NCOA3: variants seen among roughly 807,000 people sequenced by gnomAD.
NCOA3 encodes nuclear receptor coactivator 3.
NCOA3 carries 51 observed loss-of-function variants against 158.8 expected under a neutral mutation model. The ratio of observed to expected loss-of-function variants is 0.32; its 90% confidence interval spans 0.26 to 0.41. NCOA3 has a LOEUF of 0.41. Among genes scored for constraint, NCOA3 ranks in the 10% least tolerant of loss-of-function variants. NCOA3 has a pLI of 1.00. For synonymous variants in NCOA3, 537 were observed against 592.4 expected, an observed-to-expected ratio of 0.91 and a Z score of 1.36; for missense variants, 1,510 against 1,746.6, an observed-to-expected ratio of 0.86 and a Z score of 2.41.
intron 1 of NCOA3, among the ~76,000 whole-genome samples, chr20:47,560,808 C>G (rs992585462): frequency 6.6e-6 from 1 of 151,952 alleles, no homozygotes; most frequent in Non-Finnish European, 1.5e-5. Flanking sequence ...ATTTTTCTCA[C>G]GATCTGGCTT....
At chr20:47,621,037 CTT>C (rs981532451) in intron 2 of NCOA3, among the ~76,000 whole-genome samples, 1 of 152,120 alleles carries the variant, frequency 6.6e-6, no homozygotes, top group African/African-American at 2.4e-5. Context: ...TATTTTAAGT[CTT>C]TTTCTGTCCT....
At chr20:47,542,074 A>G (rs552711646) in intron 1 of NCOA3, among the ~76,000 whole-genome samples, 1 of 127,350 alleles carries the variant, frequency 7.9e-6, no homozygotes, top group South Asian at 2.5e-4. Context: ...TCTGTCACCC[A>G]GGCTGGAGTG....
At chr20:47,526,920 G>A (rs1262817685) in intron 1 of NCOA3, among the ~76,000 whole-genome samples, 1 of 152,182 alleles carries the variant, frequency 6.6e-6, no homozygotes, top group Non-Finnish European at 1.5e-5. Flanking sequence ...TGGGATTACA[G>A]GCATGAACCA....
At chr20:47,505,446 A>G (rs924785503) in intron 1 of NCOA3, among the ~76,000 whole-genome samples, 2 of 152,092 alleles carry the variant, frequency 1.3e-5, no homozygotes, top group African/African-American at 4.8e-5. Context: ...CAAGTTTAGA[A>G]TGCATATTAG....
At position 47,636,286 on chromosome 20, in the gene NCOA3, CA is replaced by C. The variant is rs2086514563; in HGVS notation, c.1901del (p.His634LeufsTer4). 6.2e-7 allele frequency: 1 copy of C among 1,614,060 alleles called. No individual in the cohort carries two copies. Among genetic ancestry groups the C allele is most frequent in the Non-Finnish European group, 8.5e-7 (1 of 1,180,034 alleles). On this transcript the variant is annotated frameshift_variant, in exon 12 of 23. Coordinates refer to ENST00000371998, the MANE Select transcript of NCOA3 (RefSeq NM_181659.3). LOFTEE classifies it high-confidence loss of function. ...TACCTGTTCTTCTGATGACCGGGGT[CA>C]TTCCTCCTTGACCAACTCCCCCCTA... The part of the protein sequence containing the change: ...LLTCSSDDRG[H>X]SSLTNSPLDS...
In NCOA3 at chr20:47,648,747, G is replaced by GACTCGCAC. The variant is rs2086731710; in HGVS notation, c.3547-257_3547-256insCTCGCACA. Among the ~76,000 whole-genome samples the GACTCGCAC allele has an allele frequency of 3.9e-5, 6 of 152,326 alleles. No homozygotes were observed. The South Asian group carries it at 1.2e-3, about 32-fold the overall frequency. The stretch of plus-strand genomic sequence containing the variant: ...CTCAAAGTGCTGGGATTACAGGTGT[G>GACTCGCAC]AAGATATTCTTTAAGCTGCAAAATT... On this transcript the variant is annotated intron_variant, in intron 18 of 22. Coordinates refer to ENST00000371998, the MANE Select transcript of NCOA3 (RefSeq NM_181659.3).
chr20:47,611,441 G>A (rs1021877125), intron 2 of NCOA3, among the ~76,000 whole-genome samples: 3 of 152,182 alleles, frequency 2.0e-5, no homozygotes, highest in Non-Finnish European at 4.4e-5. Context: ...ACTTATGTCT[G>A]TCAAAGGAAA....
At chr20:47,521,051 C>A (rs2084323853) in intron 1 of NCOA3, among the ~76,000 whole-genome samples, 1 of 152,250 alleles carries the variant, frequency 6.6e-6, no homozygotes, top group African/African-American at 2.4e-5. Context: ...ACTCTACCGG[C>A]TCCCACGGCT....
chr20:47,546,938 G>A (rs2084839428), intron 1 of NCOA3, among the ~76,000 whole-genome samples: 1 of 152,050 alleles, frequency 6.6e-6, no homozygotes, highest in African/African-American at 2.4e-5. Flanking sequence ...CTTTGGGTAT[G>A]CCCTTTCTTG....
chr20:47,578,087 A>G (rs1390743393), intron 1 of NCOA3, among the ~76,000 whole-genome samples: 1 of 152,276 alleles, frequency 6.6e-6, no homozygotes, highest in African/African-American at 2.4e-5. Context: ...TTTTTACTTA[A>G]TTGAACATAC....
Position 47,627,099 on chromosome 20 carries a change from T to C in NCOA3, c.455T>C (p.Leu152Pro). 1 of 1,613,094 alleles carries C rather than the reference T, an allele frequency of 6.2e-7. No homozygotes were observed. The highest frequency in any genetic ancestry group is 8.5e-7 in the Non-Finnish European group (1 of 1,179,096). Reference sequence around the variant, plus strand: ...TACCTGCAATATAAGCAAGAGGACCTGGTTAACACAAGTGTTTACAATATC... The same window carrying C: ...TACCTGCAATATAAGCAAGAGGACCCGGTTAACACAAGTGTTTACAATATC... ...TQYLQYKQEDLVNTSVYNILH... is the reference protein window; with the variant it reads ...TQYLQYKQEDPVNTSVYNILH... Residue 152 changes from leucine to proline, a missense_variant, in exon 6 of 23, where the codon CTG (leucine) becomes CCG (proline). Transcript: ENST00000371998.
At chr20:47,648,709 C>T (rs545848982) in intron 18 of NCOA3, among the ~76,000 whole-genome samples, 2 of 152,162 alleles carry the variant, frequency 1.3e-5, no homozygotes, top group South Asian at 4.2e-4. Context: ...AAGTGATCTG[C>T]CCACCTCAGC....
Position 47,636,128 on chromosome 20 carries a change from A to G in NCOA3, c.1742A>G (p.Glu581Gly). The change falls in exon 12 of 23, where the codon GAG becomes GGG. Residue 581 changes from glutamate (E) to glycine (G), a missense_variant. By Grantham distance (98) the Glu-to-Gly change is moderately conservative. Around this residue, in one of 4 missense-constraint regions of NCOA3, gnomAD observed 1,017 missense variants for 1,098.3 expected, o/e 0.93. Coordinates refer to ENST00000371998, the MANE Select transcript of NCOA3 (RefSeq NM_181659.3). Reference sequence around the variant, plus strand: ...TTTTATTGCGACCAAAATCCAGTGGAGAGTTCAATGTGTCAGTCAAATAGC... The same window carrying G: ...TTTTATTGCGACCAAAATCCAGTGGGGAGTTCAATGTGTCAGTCAAATAGC... The part of the protein sequence containing the change: ...LGFYCDQNPV[E>G]SSMCQSNSRD... 6 of 1,614,238 alleles carry G rather than the reference A, an allele frequency of 3.7e-6. No homozygotes were observed. Among genetic ancestry groups the G allele is most frequent in the African/African-American group, 1.3e-5 (1 of 75,054 alleles).
At chr20:47,551,474 CTG>C (rs1747186443) in intron 1 of NCOA3, among the ~76,000 whole-genome samples, 1 of 152,170 alleles carries the variant, frequency 6.6e-6, no homozygotes, top group African/African-American at 2.4e-5. Flanking sequence ...AGACGTATAA[CTG>C]TACACACTAA....
intron 2 of NCOA3, among the ~76,000 whole-genome samples, chr20:47,606,823 A>G (rs1329638902): frequency 6.6e-6 from 1 of 152,220 alleles, no homozygotes; most frequent in Non-Finnish European, 1.5e-5. Context: ...ACCTGTCACT[A>G]CAGGGAAAAC....
rs374966357 is a variant in NCOA3, at chr20:47,639,220, A to G, written c.2707+18A>G. 6.4e-7 allele frequency: 1 copy of G among 1,570,330 alleles called. No individual in the cohort carries two copies. The highest frequency in any genetic ancestry group is 1.4e-5 in the African/African-American group (1 of 73,658). On this transcript the variant is annotated intron_variant, in intron 14 of 22. Coordinates refer to ENST00000371998, the MANE Select transcript of NCOA3 (RefSeq NM_181659.3). ...AAGTATGGGTACGTTATTTCTAATT[A>G]GTATGTATGATTATTTTGGGAAAAG...
At chr20:47,624,219 G>C (rs530018403) in intron 4 of NCOA3, 136 bp downstream of exon 4, 3 of 652,208 alleles carry the variant, frequency 4.6e-6, no homozygotes, top group Non-Finnish European at 7.8e-6. Context: ...AGCACATTAC[G>C]TTTGTGGTGC....
chr20:47,652,026 G>A (rs1475152824), intron 20 of NCOA3, among the ~76,000 whole-genome samples: 1 of 152,068 alleles, frequency 6.6e-6, no homozygotes, highest in East Asian at 1.9e-4. Flanking sequence ...GAGGTTCCAG[G>A]AACATGGTGG....
chr20:47,599,663 T>C (rs1043297322), intron 2 of NCOA3, among the ~76,000 whole-genome samples: 4 of 152,178 alleles, frequency 2.6e-5, no homozygotes, highest in Admixed American at 6.5e-5. Flanking sequence ...TCTCAAAAGG[T>C]TTCCTATCTC....
Sources: gnomAD v4.1 joint callset for allele counts (sites outside exome capture counted in the v4.1 genomes callset) on GRCh38, gnomAD v4.1.1 for gene constraint, gnomAD v4.1.1 regional missense constraint, MANE v1.5 for transcripts, NCBI Gene and HGNC (gene_info 2026-07-23, HGNC 2026-07-21) for gene names.